SEL1L2: variants seen among roughly 807,000 people sequenced by gnomAD.
SEL1L2 encodes the protein SEL1L2 adaptor subunit of SYVN1 ubiquitin ligase.
A neutral mutation model predicts 98.8 loss-of-function variants in SEL1L2; 89 were observed. The observed-to-expected ratio is 0.90, with a 90% CI of 0.76 to 1.07. The LOEUF is 1.07. Among genes scored for constraint, SEL1L2 ranks in the 50% least tolerant of loss-of-function variants. The pLI, the probability that SEL1L2 is intolerant of heterozygous loss-of-function variation, is 0.00. For synonymous variants in SEL1L2, 262 were observed against 278.5 expected (o/e 0.94, Z 0.59); for missense variants, 788 against 812.0 (o/e 0.97, Z 0.36).
chr20:13,992,363 G>A (rs2052561514), upstream of SEL1L2, among the ~76,000 whole-genome samples: 1 of 152,062 alleles, frequency 6.6e-6, no homozygotes, highest in Non-Finnish European at 1.5e-5. Context: ...AATTAGCCGG[G>A]CATGGTGGTA....
intron 1 of SEL1L2, among the ~76,000 whole-genome samples, chr20:13,988,874 C>A (rs994844516): frequency 9.3e-4 from 141 of 152,068 alleles, no homozygotes; most frequent in Non-Finnish European, 1.8e-4. Context: ...ATTAGCCAGG[C>A]GTGGTGGCAG....
intron 1 of SEL1L2, among the ~76,000 whole-genome samples, chr20:13,956,655 A>G (rs2050555140): frequency 6.6e-6 from 1 of 152,192 alleles, no homozygotes; most frequent in African/African-American, 2.4e-5. Context: ...AATAACTTTC[A>G]ATGAATTTTT....
At chr20:13,992,165 G>A (rs2052557366), upstream of SEL1L2, among the ~76,000 whole-genome samples, 3 of 152,264 alleles carry the variant, frequency 2.0e-5, no homozygotes, top group South Asian at 6.2e-4. Context: ...ACGAGAGTGA[G>A]TCAGCTAAAC....
At chr20:13,889,834 T>G (rs968029514) in intron 5 of SEL1L2, among the ~76,000 whole-genome samples, 2 of 152,118 alleles carry the variant, frequency 1.3e-5, no homozygotes, top group African/African-American at 2.4e-5. Context: ...ATTTGGATAC[T>G]TTTCTTCACA....
chr20:13,917,078 T>C (rs2048437128), intron 4 of SEL1L2, among the ~76,000 whole-genome samples: 1 of 152,120 alleles, frequency 6.6e-6, no homozygotes, highest in Admixed American at 6.5e-5. Context: ...CTGGACTTGA[T>C]GTAACACACC....
chr20:13,885,391 G>C lies in SEL1L2; in HGVS notation c.913C>G (p.Gln305Glu), dbSNP rs1245531199. The change falls in exon 10 of 20, where the codon CAA becomes GAA. Residue 305 changes from glutamine to glutamate, a missense_variant. Coordinates refer to ENST00000284951, the MANE Select transcript of SEL1L2 (RefSeq NM_025229.2). ...CCTTTCCTGCCAATTAGATGTAATT[G>C]TCCAAGAGAGACCTAGGAATGATGA... Reference protein sequence around the residue: ...GDVQIQVSLGQLHLIGRKGLD... With the variant: ...GDVQIQVSLGELHLIGRKGLD... 6.3e-7 allele frequency: 1 copy of C among 1,599,542 alleles called. No individual in the cohort carries two copies. Among genetic ancestry groups the C allele is most frequent in the Non-Finnish European group, 8.6e-7 (1 of 1,166,964 alleles).
intron 1 of SEL1L2, among the ~76,000 whole-genome samples, chr20:13,985,393 C>T (rs763663933): frequency 2.0e-5 from 3 of 152,170 alleles, no homozygotes; most frequent in Non-Finnish European, 4.4e-5. Flanking sequence ...TTCTTGTTCT[C>T]CCTTGCCTGC....
At chr20:13,933,678 A>T (rs1437661422) in intron 2 of SEL1L2, among the ~76,000 whole-genome samples, 1 of 152,202 alleles carries the variant, frequency 6.6e-6, no homozygotes, top group East Asian at 1.9e-4. Flanking sequence ...TTAAATAGAT[A>T]CTGTGCCAGC....
chr20:13,856,771 G>T (rs1989233400), intron 18 of SEL1L2, among the ~76,000 whole-genome samples: 1 of 152,162 alleles, frequency 6.6e-6, no homozygotes, highest in East Asian at 1.9e-4. Flanking sequence ...TTAAATGTCT[G>T]CATGTTTATA....
At chr20:13,907,700 C>CTTTCTT (rs1328913961) in intron 5 of SEL1L2, among the ~76,000 whole-genome samples, 3 of 125,656 alleles carry the variant, frequency 2.4e-5, no homozygotes, top group East Asian at 4.6e-4. Context: ...TTCTTTCTTT[C>CTTTCTT]TCTTTCTTTC....
chr20:13,880,702 T>C (rs968111051), intron 10 of SEL1L2, among the ~76,000 whole-genome samples: 1 of 152,156 alleles, frequency 6.6e-6, no homozygotes. Context: ...GATTCTAAGA[T>C]GTACATCTCC....
At chr20:13,910,067 A>C (rs1459117085) in intron 5 of SEL1L2, among the ~76,000 whole-genome samples, 1 of 152,212 alleles carries the variant, frequency 6.6e-6, no homozygotes, top group Non-Finnish European at 1.5e-5. Flanking sequence ...CTTTTGGGCC[A>C]TAAGTTTGTC....
chr20:13,869,595 A>G lies in SEL1L2; in HGVS notation c.1168-5T>C, dbSNP rs2046088011. 1.2e-6 allele frequency: 2 copies of G among 1,612,074 alleles called. No individual in the cohort carries two copies. The highest frequency in any genetic ancestry group is 1.3e-5 in the African/African-American group (1 of 74,886). ...TTTAAGTGCTTCGGCATAATTCTGC[A>G]AGATAATTACACTCTATTACTCAAA... On this transcript the variant is annotated splice_polypyrimidine_tract_variant and splice_region_variant and intron_variant, in intron 13 of 19. Transcript: ENST00000284951.
intron 1 of SEL1L2, among the ~76,000 whole-genome samples, chr20:13,963,532 C>T (rs2050884336): frequency 6.6e-6 from 1 of 151,466 alleles, no homozygotes; most frequent in Non-Finnish European, 1.5e-5. Context: ...GCCTGGCCAA[C>T]ATGGTGAAAC....
intron 1 of SEL1L2, among the ~76,000 whole-genome samples, chr20:13,973,599 C>T (rs1312852834): frequency 6.6e-6 from 1 of 152,246 alleles, no homozygotes; most frequent in Non-Finnish European, 1.5e-5. Flanking sequence ...TTTGCAGTAG[C>T]ATCCTATGTC....
upstream of SEL1L2, among the ~76,000 whole-genome samples, chr20:13,991,989 C>CA (rs760997668): frequency 1.2e-4 from 19 of 152,020 alleles, no homozygotes; most frequent in Non-Finnish European, 2.1e-4. Flanking sequence ...GCCTGAGCGA[C>CA]AGAGTGAGAC....
chr20:13,890,727 A>G (rs1029580854), intron 5 of SEL1L2, among the ~76,000 whole-genome samples: 1 of 152,192 alleles, frequency 6.6e-6, no homozygotes, highest in Non-Finnish European at 1.5e-5. Context: ...TAGAATAATC[A>G]TCTTGAAGAA....
rs3042764 is a variant in SEL1L2, at chr20:13,939,665, C to CTTTTTTTT, written c.115-7902_115-7895dup. ...AGTCATGGAATGAAACACCCTTATTCTTTTTTTTTTTTTTTTTTGAGACAG... is the reference window on the plus strand; with the variant it reads ...AGTCATGGAATGAAACACCCTTATTCTTTTTTTTTTTTTTTTTTTTTTTTTTGAGACAG... On this transcript the variant is annotated intron_variant, in intron 2 of 19. Coordinates refer to ENST00000284951, the MANE Select transcript of SEL1L2 (RefSeq NM_025229.2). 6.2e-3 allele frequency among the ~76,000 whole-genome samples: 855 copies of CTTTTTTTT among 138,290 alleles called. 28 individuals carry two copies. The highest frequency in any genetic ancestry group is 0.021 in the African/African-American group (719 of 34,560). The allele number at this position is 138,290 out of a possible 152,430, so 90.7% of individuals were successfully genotyped here.
chr20:13,947,434 G>A (rs6514450), intron 2 of SEL1L2, among the ~76,000 whole-genome samples: 32,922 of 151,984 alleles, frequency 0.22, 4,084 homozygotes, highest in African/African-American at 0.34. Flanking sequence ...ACCTGCCTGC[G>A]GAAAGGAGCT....
Sources: gnomAD v4.1 joint callset for allele counts (sites outside exome capture counted in the v4.1 genomes callset) on GRCh38, gnomAD v4.1.1 for gene constraint, MANE v1.5 for transcripts, NCBI Gene and HGNC (gene_info 2026-07-23, HGNC 2026-07-21) for gene names.